The following CREB3L2 variants were observed in gnomAD, a reference collection of about 807,000 sequenced individuals.
The protein encoded by CREB3L2 is cAMP responsive element binding protein 3 like 2, also known as cyclic AMP-responsive element-binding protein 3-like protein 2.
Under a neutral mutation model 57.2 loss-of-function variants are expected in CREB3L2, and 23 were observed. That is an observed-to-expected ratio of 0.40 (90% CI 0.29 to 0.57). The LOEUF (loss-of-function observed/expected upper bound fraction) is 0.57, where lower values mean the gene tolerates loss of function less well. Ranked by LOEUF, CREB3L2 falls within the 20% of genes least tolerant of loss-of-function variation. The pLI is 0.42. For missense variants in CREB3L2, 628 were observed against 634.7 expected (o/e 0.99, Z 0.11); for synonymous variants, 268 against 265.1 (o/e 1.01, Z -0.11).
rs978349299 is a variant in CREB3L2 at position 137,887,821 on chromosome 7, ATT to A, written c.1044-2321_1044-2320del. 2.0e-4 allele frequency among the ~76,000 whole-genome samples: 31 copies of A among 152,356 alleles called. 1 individual carries two copies. The highest frequency in any genetic ancestry group is 3.4e-3 in the Middle Eastern group (1 of 294). On this transcript the variant is annotated intron_variant, in intron 8 of 11. Coordinates refer to ENST00000330387, the MANE Select transcript of CREB3L2 (RefSeq NM_194071.4). ...TTCATTCTGTTAGTTAATATCACTAATTTAAGTTCTATTTAATGTGAAGATCT... is the reference window on the plus strand; with the variant it reads ...TTCATTCTGTTAGTTAATATCACTAATAAGTTCTATTTAATGTGAAGATCT...
At chr7:137,892,679 T>C (rs1312035148) in intron 8 of CREB3L2, among the ~76,000 whole-genome samples, 2 of 151,910 alleles carry the variant, frequency 1.3e-5, no homozygotes, top group Non-Finnish European at 2.9e-5. Flanking sequence ...GATGATCAGG[T>C]GACCTCATGA....
intron 1 of CREB3L2, among the ~76,000 whole-genome samples, chr7:137,969,993 G>C (rs1242564130): frequency 1.3e-5 from 2 of 152,064 alleles, no homozygotes; most frequent in African/African-American, 2.4e-5. Flanking sequence ...AGATGCCCAG[G>C]GTATTTTAAT....
At chr7:137,912,017 T>G (rs909427406) in intron 4 of CREB3L2, among the ~76,000 whole-genome samples, 1 of 152,074 alleles carries the variant, frequency 6.6e-6, no homozygotes, top group African/African-American at 2.4e-5. Flanking sequence ...AACTATGGGC[T>G]TCATAGGAGA....
chr7:137,877,694 C>T lies in CREB3L2; in HGVS notation c.*2782G>A, dbSNP rs938397576. On this transcript the variant is annotated 3_prime_UTR_variant, in exon 12 of 12. Coordinates refer to ENST00000330387, the MANE Select transcript of CREB3L2 (RefSeq NM_194071.4). ...TGGCTTATGGCCGCTCTGACAGACT[C>T]GTATTTCTCAAAACTTACATTCAGA... 3 of 226,742 alleles carry T rather than the reference C, an allele frequency of 1.3e-5. No individual in the cohort carries two copies. The highest frequency in any genetic ancestry group is 4.5e-5 in the African/African-American group (2 of 44,914). 14.0% of individuals were successfully genotyped at this position (226,742 alleles called of 1,614,324 possible). A position where few individuals can be genotyped will look rare whatever the true frequency, so the allele number is the denominator to read the frequency against.
At chr7:137,945,514 A>G (rs1051220216) in intron 1 of CREB3L2, among the ~76,000 whole-genome samples, 1 of 152,268 alleles carries the variant, frequency 6.6e-6, no homozygotes, top group African/African-American at 2.4e-5. Context: ...TCTATATTTT[A>G]TGCATGTTAA....
intron 2 of CREB3L2, among the ~76,000 whole-genome samples, chr7:137,921,908 C>A (rs1169646725): frequency 6.6e-6 from 1 of 151,844 alleles, no homozygotes; most frequent in African/African-American, 2.4e-5. Flanking sequence ...GAAGTTGGGA[C>A]TACAGGCGTG....
intron 1 of CREB3L2, among the ~76,000 whole-genome samples, chr7:137,961,930 A>C (rs1259491158): frequency 1.3e-5 from 2 of 152,042 alleles, no homozygotes; most frequent in Non-Finnish European, 2.9e-5. Flanking sequence ...AACCATGGGA[A>C]CTTCTAGGAA....
chr7:137,940,733 T>A (rs985510825), intron 1 of CREB3L2, among the ~76,000 whole-genome samples: 16 of 152,164 alleles, frequency 1.1e-4, no homozygotes, highest in Non-Finnish European at 2.9e-5. Flanking sequence ...TAACGGGCGA[T>A]GAAGTTTGTG....
chr7:137,908,685 G>A (rs113063756), intron 4 of CREB3L2, among the ~76,000 whole-genome samples: 2,352 of 152,118 alleles, frequency 0.015, 61 homozygotes, highest in African/African-American at 0.054. Flanking sequence ...ATAAACGTGC[G>A]ACCAGGGGCC....
chr7:137,882,318 C>T, intron 11 of CREB3L2, 94 bp downstream of exon 11: 1 of 909,704 alleles, frequency 1.1e-6, no homozygotes, highest in African/African-American at 1.6e-5. Flanking sequence ...CTGAACCAGG[C>T]CTATGGAGAG....
chr7:137,993,616 C>T (rs1801937985), intron 1 of CREB3L2, among the ~76,000 whole-genome samples: 1 of 152,186 alleles, frequency 6.6e-6, no homozygotes, highest in Non-Finnish European at 1.5e-5. Context: ...ACCTCCTGGG[C>T]TCAAGCGATC....
At chr7:137,894,347 A>T (rs273936) in intron 8 of CREB3L2, among the ~76,000 whole-genome samples, 1 of 152,004 alleles carries the variant, frequency 6.6e-6, no homozygotes, top group Non-Finnish European at 1.5e-5. Flanking sequence ...CACTCTGTCT[A>T]CTGAGCAATA....
intron 1 of CREB3L2, among the ~76,000 whole-genome samples, chr7:137,932,186 C>T (rs553017212): frequency 2.6e-5 from 4 of 152,128 alleles, no homozygotes; most frequent in African/African-American, 4.8e-5. Flanking sequence ...TGTTTATACA[C>T]GTAGCCCTGT....
chr7:137,971,839 A>G lies in CREB3L2; in HGVS notation c.102+29765T>C, dbSNP rs772429560. 1.4e-4 allele frequency among the ~76,000 whole-genome samples: 22 copies of G among 152,150 alleles called. 1 individual carries two copies. Among genetic ancestry groups the G allele is most frequent in the Admixed American group, 1.4e-3 (22 of 15,282 alleles). ...TGGATGTCACTTAAGAACCTACAAA[A>G]CATACACTCAATGAACAATACACGG... is the stretch of plus-strand genomic sequence containing the variant. On this transcript the variant is annotated intron_variant, in intron 1 of 11. Transcript: ENST00000330387.
intron 2 of CREB3L2, 36 bp downstream of exon 2, chr7:137,928,114 G>A (rs370802065): frequency 5.7e-5 from 85 of 1,499,506 alleles, no homozygotes; most frequent in South Asian, 6.0e-5. Context: ...AACCAAAGGC[G>A]CTAAGGTCCA....
intron 1 of CREB3L2, among the ~76,000 whole-genome samples, chr7:137,944,404 AG>A (rs1800931315): frequency 6.6e-6 from 1 of 152,232 alleles, no homozygotes; most frequent in Admixed American, 6.5e-5. Context: ...GGCTCACAAA[AG>A]AGGTATTTAA....
rs2117167770 is a variant in CREB3L2, at chr7:137,879,242, A to C, written c.*1234T>G. The C allele has an allele frequency of 1.9e-6, 1 of 535,662 alleles. No individual in the cohort carries two copies. Among genetic ancestry groups the C allele is most frequent in the Non-Finnish European group, 3.6e-6 (1 of 275,786 alleles). 33.2% of individuals were successfully genotyped at this position (535,662 alleles called of 1,614,324 possible). A position where few individuals can be genotyped will look rare whatever the true frequency, so the allele number is the denominator to read the frequency against. On this transcript the variant is annotated 3_prime_UTR_variant, in exon 12 of 12. Transcript: ENST00000330387. ...TCTTTGGGCGAGCTGCAAAGTAGCC[A>C]AACCTGACTACCAAAGGTAAGAATG...
rs150716902 is a variant in CREB3L2 at position 138,002,081 on chromosome 7, G to C, written c.-376C>G. 1.1e-5 allele frequency: 3 copies of C among 267,608 alleles called. No homozygotes were observed. The highest frequency in any genetic ancestry group is 2.2e-5 in the Non-Finnish European group (3 of 139,370). The allele number at this position is 267,608 out of a possible 1,614,324, so 16.6% of individuals were successfully genotyped here. Reference sequence around the variant, plus strand: ...ACTTTGAGGGACCCCAGGGCTCCTCGGCTCTGCTCCAGGACCCAGCTGCGG... The same window carrying C: ...ACTTTGAGGGACCCCAGGGCTCCTCCGCTCTGCTCCAGGACCCAGCTGCGG... On this transcript the variant is annotated 5_prime_UTR_variant, in exon 1 of 12. Coordinates refer to ENST00000330387, the MANE Select transcript of CREB3L2 (RefSeq NM_194071.4).
chr7:137,984,006 G>A (rs73729532), intron 1 of CREB3L2, among the ~76,000 whole-genome samples: 2,343 of 152,316 alleles, frequency 0.015, 61 homozygotes, highest in African/African-American at 0.053. Context: ...GGGATCAGGG[G>A]ATGAGCAGCC....
Sources: gnomAD v4.1 joint callset for allele counts (sites outside exome capture counted in the v4.1 genomes callset) on GRCh38, gnomAD v4.1.1 for gene constraint, MANE v1.5 for transcripts, NCBI Gene and HGNC (gene_info 2026-07-23, HGNC 2026-07-21) for gene names.